Variants in SPAG16 observed in about 807,000 individuals in gnomAD.
SPAG16 encodes the protein sperm-associated antigen 16 protein.
A neutral mutation model predicts 80.4 loss-of-function variants in SPAG16; 86 were observed. That is an observed-to-expected ratio of 1.07 (90% CI 0.90 to 1.28). The LOEUF (loss-of-function observed/expected upper bound fraction) is 1.28. Ranked by LOEUF, SPAG16 falls within the 50% of genes most tolerant of loss-of-function variation. SPAG16 has a pLI of 0.00. For synonymous variants in SPAG16, 294 were observed against 265.9 expected (o/e 1.11, Z -1.03); for missense variants, 870 against 765.3 (o/e 1.14, Z -1.61).
At chr2:214,175,008 A>G (rs1452921231) in intron 15 of SPAG16, among the ~76,000 whole-genome samples, 1 of 151,502 alleles carries the variant, frequency 6.6e-6, no homozygotes, top group Non-Finnish European at 1.5e-5. Context: ...GCCAGTCTGA[A>G]TCTTCAGTGG....
intron 14 of SPAG16, among the ~76,000 whole-genome samples, chr2:214,111,209 C>G (rs1349659608): frequency 6.6e-6 from 1 of 152,122 alleles, no homozygotes; most frequent in Non-Finnish European, 1.5e-5. Context: ...CTTGCCCATA[C>G]CTATGTCCTG....
intron 15 of SPAG16, among the ~76,000 whole-genome samples, chr2:214,219,493 A>G (rs1375719386): frequency 6.6e-6 from 1 of 152,144 alleles, no homozygotes; most frequent in East Asian, 1.9e-4. Flanking sequence ...GGCTTGAAAT[A>G]TTTGCCTCAC....
chr2:214,080,808 T>A (rs999942451), intron 13 of SPAG16, among the ~76,000 whole-genome samples: 22 of 152,078 alleles, frequency 1.4e-4, no homozygotes, highest in Admixed American at 1.4e-3. Flanking sequence ...AACACCTGTT[T>A]TTGTAATTGC....
intron 5 of SPAG16, among the ~76,000 whole-genome samples, chr2:213,327,134 T>A (rs1423890992): frequency 6.9e-6 from 1 of 145,588 alleles, no homozygotes; most frequent in Non-Finnish European, 1.5e-5. Flanking sequence ...CTTAACAGCG[T>A]TGTACTTGAA....
intron 7 of SPAG16, among the ~76,000 whole-genome samples, chr2:213,360,813 G>A (rs887301468): frequency 2.6e-5 from 4 of 152,126 alleles, no homozygotes; most frequent in East Asian, 1.9e-4. Context: ...GGTTACTTTT[G>A]TGCTTATATT....
At chr2:213,633,676 A>G (rs2062244561) in intron 10 of SPAG16, among the ~76,000 whole-genome samples, 1 of 152,150 alleles carries the variant, frequency 6.6e-6, no homozygotes, top group African/African-American at 2.4e-5. Context: ...TAGCTCTAAT[A>G]ATAGTTCCTT....
At chr2:213,410,856 G>T (rs574757005) in intron 9 of SPAG16, among the ~76,000 whole-genome samples, 2 of 152,122 alleles carry the variant, frequency 1.3e-5, no homozygotes, top group African/African-American at 2.4e-5. Flanking sequence ...GTAATAAGTC[G>T]TACCAAGCTC....
chr2:213,380,010 T>C (rs2067085228), intron 9 of SPAG16, among the ~76,000 whole-genome samples: 1 of 152,160 alleles, frequency 6.6e-6, no homozygotes, highest in African/African-American at 2.4e-5. Context: ...AATACAAATG[T>C]CTTCACAGTT....
intron 15 of SPAG16, among the ~76,000 whole-genome samples, chr2:214,365,195 GAGA>G (rs1384506726): frequency 6.6e-6 from 1 of 152,136 alleles, no homozygotes; most frequent in South Asian, 2.1e-4. Flanking sequence ...GAGTTTGTGG[GAGA>G]AGATTATGAG....
chr2:213,649,222 C>T (rs2125140166), intron 10 of SPAG16, among the ~76,000 whole-genome samples: 2 of 152,284 alleles, frequency 1.3e-5, no homozygotes, highest in South Asian at 4.1e-4. Context: ...ACCTGACCTA[C>T]TAACAGTTGG....
rs1461605377 is a variant in SPAG16 at position 214,142,157 on chromosome 2, G to C, written c.1594-6983G>C. Reference sequence around the variant, plus strand: ...ATCCACTCACTTTCTTTTCAACTTTGTCTAGAATAGAGTACATCCTATCTA... The same window carrying C: ...ATCCACTCACTTTCTTTTCAACTTTCTCTAGAATAGAGTACATCCTATCTA... On this transcript the variant is annotated intron_variant, in intron 14 of 15. Transcript: ENST00000331683. 2.0e-5 allele frequency among the ~76,000 whole-genome samples: 3 copies of C among 150,458 alleles called. No individual in the cohort carries two copies. In the East Asian group the frequency reaches 5.9e-4, roughly 30 times the overall value.
intron 10 of SPAG16, among the ~76,000 whole-genome samples, chr2:213,755,836 C>T (rs879875928): frequency 2.0e-4 from 30 of 152,072 alleles, no homozygotes; most frequent in Non-Finnish European, 4.3e-4. Flanking sequence ...TCTGTAATAA[C>T]TCAAGAAAAT....
chr2:213,373,399 C>T (rs2066737975), intron 8 of SPAG16, among the ~76,000 whole-genome samples: 1 of 152,054 alleles, frequency 6.6e-6, no homozygotes, highest in Non-Finnish European at 1.5e-5. Context: ...GTACCCTGTA[C>T]ATTCTGCAAT....
intron 11 of SPAG16, among the ~76,000 whole-genome samples, chr2:213,898,908 A>G (rs192654893): frequency 6.6e-6 from 1 of 152,288 alleles, no homozygotes; most frequent in East Asian, 1.9e-4. Context: ...TCTCATGGAA[A>G]GGAAAATAGC....
At chr2:213,343,232 A>G (rs1575277308) in intron 6 of SPAG16, among the ~76,000 whole-genome samples, 1 of 152,232 alleles carries the variant, frequency 6.6e-6, no homozygotes, top group African/African-American at 2.4e-5. Context: ...AAGTAACCTC[A>G]CTGAATACTC....
chr2:213,845,611 T>C (rs1188547084), intron 10 of SPAG16, among the ~76,000 whole-genome samples: 1 of 152,234 alleles, frequency 6.6e-6, no homozygotes, highest in Non-Finnish European at 1.5e-5. Flanking sequence ...GAACAACTTT[T>C]ATGATACAGT....
intron 15 of SPAG16, among the ~76,000 whole-genome samples, chr2:214,158,211 A>C (rs1300208179): frequency 6.6e-6 from 1 of 152,082 alleles, no homozygotes; most frequent in East Asian, 1.9e-4. Context: ...TATGTTTAGA[A>C]TAATTAGAAC....
intron 15 of SPAG16, among the ~76,000 whole-genome samples, chr2:214,359,817 A>T (rs984729232): frequency 1.3e-5 from 2 of 151,870 alleles, no homozygotes; most frequent in Admixed American, 6.6e-5. Flanking sequence ...ATAAATTATT[A>T]AAAAAACATT....
At chr2:213,590,588 A>C (rs1290070631) in intron 10 of SPAG16, among the ~76,000 whole-genome samples, 1 of 152,226 alleles carries the variant, frequency 6.6e-6, no homozygotes, top group African/African-American at 2.4e-5. Context: ...TGCTAATCAG[A>C]GTCACAATGA....
Sources: gnomAD v4.1 joint callset for allele counts (sites outside exome capture counted in the v4.1 genomes callset) on GRCh38, gnomAD v4.1.1 for gene constraint, MANE v1.5 for transcripts, NCBI Gene and HGNC (gene_info 2026-07-23, HGNC 2026-07-21) for gene names.